LRRTM4: variants seen among roughly 807,000 people sequenced by gnomAD.
LRRTM4 encodes the protein leucine-rich repeat transmembrane neuronal protein 4.
Under a neutral mutation model 47.6 loss-of-function variants are expected in LRRTM4, and 25 were observed. That is an observed-to-expected ratio of 0.53 (90% CI 0.38 to 0.73). The LOEUF is 0.73. LRRTM4 is among the 30% of genes least tolerant of loss of function. The pLI is 0.00. For synonymous variants in LRRTM4, 311 were observed against 269.5 expected, an observed-to-expected ratio of 1.15 and a Z score of -1.51; for missense variants, 638 against 713.4, an observed-to-expected ratio of 0.89 and a Z score of 1.20.
intron 3 of LRRTM4, among the ~76,000 whole-genome samples, chr2:76,822,902 A>G (rs148440572): frequency 6.6e-6 from 1 of 151,568 alleles, no homozygotes; most frequent in East Asian, 1.9e-4. Context: ...GACTTTACCC[A>G]TATAAAAGTA....
chr2:77,236,890 A>G (rs1675117158), intron 3 of LRRTM4, among the ~76,000 whole-genome samples: 1 of 152,068 alleles, frequency 6.6e-6, no homozygotes, highest in Non-Finnish European at 1.5e-5. Context: ...ATGGTGAATT[A>G]GCTTTTTGAT....
At chr2:77,082,138 CT>C (rs1445747186) in intron 3 of LRRTM4, among the ~76,000 whole-genome samples, 3 of 151,980 alleles carry the variant, frequency 2.0e-5, no homozygotes, top group South Asian at 2.1e-4. Context: ...TCTTGAAGAC[CT>C]TTTCTTAACT....
At chr2:77,185,016 T>A in intron 3 of LRRTM4, among the ~76,000 whole-genome samples, 1 of 150,412 alleles carries the variant, frequency 6.6e-6, no homozygotes, top group South Asian at 2.1e-4. Context: ...CATCTCTACA[T>A]GTTGTACAGC....
chr2:77,134,907 C>G lies in LRRTM4; in HGVS notation c.1551+383411G>C, dbSNP rs533391027. ...CAATGAAAAGATTCAATGTGCTCATCTGCAGACAAAATCAGCTAATAGTAA... is the reference window on the plus strand; with the variant it reads ...CAATGAAAAGATTCAATGTGCTCATGTGCAGACAAAATCAGCTAATAGTAA... On this transcript the variant is annotated intron_variant, in intron 3 of 3. Coordinates refer to ENST00000409884, the MANE Select transcript of LRRTM4 (RefSeq NM_001134745.3). Among the ~76,000 whole-genome samples, 11 of 152,286 alleles carry G rather than the reference C, an allele frequency of 7.2e-5. No homozygotes were observed. The South Asian group carries it at 1.7e-3, about 23-fold the overall frequency.
At chr2:77,344,073 T>G (rs1671472662) in intron 3 of LRRTM4, among the ~76,000 whole-genome samples, 1 of 151,816 alleles carries the variant, frequency 6.6e-6, no homozygotes, top group South Asian at 2.1e-4. Flanking sequence ...CTCTGATTTG[T>G]GCTTATAGAA....
At chr2:76,905,105 G>T (rs1337027010) in intron 3 of LRRTM4, among the ~76,000 whole-genome samples, 1 of 152,136 alleles carries the variant, frequency 6.6e-6, no homozygotes, top group Admixed American at 6.5e-5. Flanking sequence ...CCCCCCAGTA[G>T]GGGCAGACTG....
chr2:76,760,455 C>T, intron 3 of LRRTM4, among the ~76,000 whole-genome samples: 1 of 152,086 alleles, frequency 6.6e-6, no homozygotes, highest in East Asian at 1.9e-4. Context: ...GGTTTCTGAG[C>T]CAAAGAATGG....
rs1676293922 is a variant in LRRTM4 at position 76,973,542 on chromosome 2, G to A, written c.1552-224626C>T. On this transcript the variant is annotated intron_variant, in intron 3 of 3. Transcript: ENST00000409884. The stretch of plus-strand genomic sequence containing the variant: ...GAAAAGAACTCTTCTTCAGTATTTG[G>A]AACACTCTGCCCAAGAAAATACTGA... Among the ~76,000 whole-genome samples, 9 of 151,778 alleles carry A rather than the reference G, an allele frequency of 5.9e-5. No homozygotes were observed. The South Asian group carries it at 1.9e-3, about 31-fold the overall frequency.
intron 3 of LRRTM4, among the ~76,000 whole-genome samples, chr2:76,979,413 C>G (rs973932476): frequency 6.6e-6 from 1 of 151,804 alleles, no homozygotes; most frequent in Admixed American, 6.6e-5. Context: ...GACCAAGGTG[C>G]TCATATGTTA....
At position 77,435,345 on chromosome 2, in the gene LRRTM4, A is replaced by G. The variant is rs143611346; in HGVS notation, c.1551+82973T>C. On this transcript the variant is annotated intron_variant, in intron 3 of 3. Transcript: ENST00000409884. ...ATTGGAGCTGTATCTACAACTCATGAAAAGAAATTGCATCATGAGACATAT... is the reference window on the plus strand; with the variant it reads ...ATTGGAGCTGTATCTACAACTCATGGAAAGAAATTGCATCATGAGACATAT... Among the ~76,000 whole-genome samples the G allele has an allele frequency of 7.2e-5, 11 of 152,316 alleles. No individual in the cohort carries two copies. In the East Asian group the frequency reaches 1.9e-3, roughly 27 times the overall value.
intron 3 of LRRTM4, among the ~76,000 whole-genome samples, chr2:77,499,829 A>G (rs1176415315): frequency 6.6e-6 from 1 of 151,880 alleles, no homozygotes; most frequent in Admixed American, 6.6e-5. Context: ...CCTGGAAGGC[A>G]TATGAGTTTG....
At chr2:76,981,597 G>A (rs1028804685) in intron 3 of LRRTM4, among the ~76,000 whole-genome samples, 2 of 151,960 alleles carry the variant, frequency 1.3e-5, no homozygotes, top group Non-Finnish European at 2.9e-5. Context: ...TGGGCTCAAG[G>A]CACCTCCTGC....
At chr2:76,936,345 C>G (rs368640940) in intron 3 of LRRTM4, among the ~76,000 whole-genome samples, 1 of 151,578 alleles carries the variant, frequency 6.6e-6, no homozygotes, top group Non-Finnish European at 1.5e-5. Context: ...AAACAAAAAA[C>G]CAAACACCAC....
chr2:77,225,498 C>A (rs1467169567), intron 3 of LRRTM4, among the ~76,000 whole-genome samples: 1 of 150,712 alleles, frequency 6.6e-6, no homozygotes, highest in African/African-American at 2.4e-5. Context: ...CATATATTAA[C>A]TCATTTTCCA....
chr2:77,460,044 C>A (rs1676725487), intron 3 of LRRTM4, among the ~76,000 whole-genome samples: 1 of 148,826 alleles, frequency 6.7e-6, no homozygotes, highest in African/African-American at 2.5e-5. Flanking sequence ...CTTGAGTGAA[C>A]TAATTGAAAG....
intron 3 of LRRTM4, among the ~76,000 whole-genome samples, chr2:77,236,516 C>A (rs1003860274): frequency 6.7e-6 from 1 of 148,598 alleles, no homozygotes; most frequent in Non-Finnish European, 1.5e-5. Flanking sequence ...CCTTTTATTT[C>A]TTTCTCTTGG....
chr2:76,880,857 T>C (rs1672908603), intron 3 of LRRTM4, among the ~76,000 whole-genome samples: 1 of 152,148 alleles, frequency 6.6e-6, no homozygotes, highest in Non-Finnish European at 1.5e-5. Context: ...GATTTTTCAT[T>C]AGTGACCATG....
chr2:77,443,749 T>C (rs1403716177), intron 3 of LRRTM4, among the ~76,000 whole-genome samples: 1 of 152,142 alleles, frequency 6.6e-6, no homozygotes, highest in South Asian at 2.1e-4. Context: ...TAATACTTTA[T>C]ATAAAAATAT....
intron 3 of LRRTM4, among the ~76,000 whole-genome samples, chr2:77,091,075 C>CAA (rs1483019258): frequency 4.6e-5 from 7 of 152,086 alleles, no homozygotes; most frequent in Non-Finnish European, 8.8e-5. Context: ...CCAGCTGAGA[C>CAA]AATACTCTTA....
Sources: allele counts gnomAD v4.1 joint callset (sites outside exome capture counted in the v4.1 genomes callset), GRCh38; gene constraint gnomAD v4.1.1; transcripts MANE v1.5; gene names NCBI Gene and HGNC (gene_info 2026-07-23, HGNC 2026-07-21).